Variants in ADGRL3 observed in about 807,000 individuals in gnomAD.
ADGRL3 encodes calcium-independent alpha-latrotoxin receptor 3.
A neutral mutation model predicts 153.5 loss-of-function variants in ADGRL3; 62 were observed. That is an observed-to-expected ratio of 0.40 (90% CI 0.33 to 0.50). The LOEUF (loss-of-function observed/expected upper bound fraction) is 0.50, where lower values mean the gene tolerates loss of function less well. Among genes scored for constraint, ADGRL3 ranks in the 20% least tolerant of loss-of-function variants. The pLI is 0.47. For synonymous variants in ADGRL3, 710 were observed against 672.5 expected, an observed-to-expected ratio of 1.06 and a Z score of -0.86; for missense variants, 1,641 against 1,859.4, an observed-to-expected ratio of 0.88 and a Z score of 2.16.
chr4:61,219,815 A>G lies in ADGRL3; in HGVS notation c.-240+18050A>G, dbSNP rs1357679553. 2.0e-5 allele frequency among the ~76,000 whole-genome samples: 3 copies of G among 152,168 alleles called. No homozygotes were observed. In the East Asian group the frequency reaches 5.8e-4, roughly 29 times the overall value. ...CTTCCTGTTTCAAACCTCTGAAAAT[A>G]TAAAGTCATCTGCCAGGTGCAGTGG... On this transcript the variant is annotated intron_variant, in intron 1 of 26. Transcript: ENST00000683033.
intron 2 of ADGRL3, among the ~76,000 whole-genome samples, chr4:61,393,441 G>T (rs1299648255): frequency 6.6e-6 from 1 of 151,930 alleles, no homozygotes; most frequent in Non-Finnish European, 1.5e-5. Context: ...ATGTAATTTA[G>T]ATTAAGCAAA....
chr4:61,552,285 G>A (rs1579485507), intron 4 of ADGRL3, among the ~76,000 whole-genome samples: 1 of 152,042 alleles, frequency 6.6e-6, no homozygotes, highest in African/African-American at 2.4e-5. Flanking sequence ...CTATAGTTCA[G>A]GTAACTGGTT....
intron 5 of ADGRL3, among the ~76,000 whole-genome samples, chr4:61,620,842 T>C (rs2092455782): frequency 6.6e-6 from 1 of 151,910 alleles, no homozygotes. Flanking sequence ...GCTTCCACCA[T>C]GTTGGCCAGG....
At chr4:61,580,446 T>C (rs1257951431) in intron 4 of ADGRL3, among the ~76,000 whole-genome samples, 1 of 152,112 alleles carries the variant, frequency 6.6e-6, no homozygotes, top group Non-Finnish European at 1.5e-5. Context: ...TTCATTTATT[T>C]GGTAATTTTT....
Position 61,473,595 on chromosome 4 carries a change from A to G in ADGRL3, c.-173-23526A>G, listed in dbSNP as rs111875929. ...AAGTGATATAATTTCAGTCTGTACA[A>G]GAAATAAATGAGGAGGAAAAAAACC... On this transcript the variant is annotated intron_variant, in intron 2 of 26. Transcript: ENST00000683033. Among the ~76,000 whole-genome samples, 387 of 152,250 alleles carry G rather than the reference A, an allele frequency of 2.5e-3. 3 individuals are homozygous for G. The highest frequency in any genetic ancestry group is 0.017 in the Middle Eastern group (5 of 294).
intron 1 of ADGRL3, among the ~76,000 whole-genome samples, chr4:61,280,309 A>G (rs2093670576): frequency 6.6e-6 from 1 of 151,496 alleles, no homozygotes; most frequent in Non-Finnish European, 1.5e-5. Flanking sequence ...GGGTTTCACC[A>G]TATTGGCCAG....
chr4:61,207,978 A>T (rs1031686184), intron 1 of ADGRL3, among the ~76,000 whole-genome samples: 1 of 152,182 alleles, frequency 6.6e-6, no homozygotes, highest in Non-Finnish European at 1.5e-5. Flanking sequence ...GGCAGGTTGG[A>T]TATAGTTATT....
chr4:61,976,075 T>G (rs2099046949), intron 17 of ADGRL3, among the ~76,000 whole-genome samples: 1 of 152,096 alleles, frequency 6.6e-6, no homozygotes, highest in African/African-American at 2.4e-5. Context: ...AACCAAATAT[T>G]TTTTATAGAT....
intron 4 of ADGRL3, among the ~76,000 whole-genome samples, chr4:61,549,535 C>G (rs1003644856): frequency 1.3e-5 from 2 of 152,032 alleles, no homozygotes; most frequent in African/African-American, 4.8e-5. Flanking sequence ...GAGACACGCT[C>G]TCTGACAAAC....
intron 9 of ADGRL3, among the ~76,000 whole-genome samples, chr4:61,857,261 A>G (rs1452177768): frequency 6.6e-6 from 1 of 151,894 alleles, no homozygotes. Context: ...TGCTGGGAGT[A>G]GAGTATCTAC....
intron 4 of ADGRL3, among the ~76,000 whole-genome samples, chr4:61,542,043 C>T (rs1005446472): frequency 1.3e-5 from 2 of 152,040 alleles, no homozygotes; most frequent in African/African-American, 4.8e-5. Flanking sequence ...AGATTTTTCT[C>T]TTTTTTCCTG....
intron 1 of ADGRL3, among the ~76,000 whole-genome samples, chr4:61,280,519 G>A (rs1196726216): frequency 6.6e-6 from 1 of 151,900 alleles, no homozygotes; most frequent in Non-Finnish European, 1.5e-5. Flanking sequence ...ACACCATGTT[G>A]TTTTTGGAGA....
At chr4:61,642,360 C>T (rs1253605619) in intron 5 of ADGRL3, among the ~76,000 whole-genome samples, 1 of 152,254 alleles carries the variant, frequency 6.6e-6, no homozygotes, top group South Asian at 2.1e-4. Flanking sequence ...GAAGTCCTTG[C>T]CCATGCCTAT....
chr4:61,311,179 G>A (rs1261611357), intron 1 of ADGRL3, among the ~76,000 whole-genome samples: 1 of 152,062 alleles, frequency 6.6e-6, no homozygotes, highest in Non-Finnish European at 1.5e-5. Context: ...TGACAAATAA[G>A]GTATTAACAC....
At chr4:61,624,435 T>C (rs1022470039) in intron 5 of ADGRL3, among the ~76,000 whole-genome samples, 2 of 152,090 alleles carry the variant, frequency 1.3e-5, no homozygotes. Context: ...TAGATCATAG[T>C]AAGAAAGAAA....
intron 1 of ADGRL3, among the ~76,000 whole-genome samples, chr4:61,348,656 T>G (rs930300513): frequency 6.6e-6 from 1 of 152,048 alleles, no homozygotes; most frequent in African/African-American, 2.4e-5. Flanking sequence ...AGCCTGAATG[T>G]GAGAAAAGGA....
intron 2 of ADGRL3, among the ~76,000 whole-genome samples, chr4:61,456,434 T>TATATAG (rs1234348804): frequency 8.1e-6 from 1 of 123,790 alleles, no homozygotes; most frequent in African/African-American, 3.2e-5. Flanking sequence ...TATATCTATA[T>TATATAG]ATATAGATAT....
intron 8 of ADGRL3, among the ~76,000 whole-genome samples, chr4:61,800,228 A>G (rs1580886346): frequency 6.6e-6 from 1 of 152,210 alleles, no homozygotes; most frequent in Non-Finnish European, 1.5e-5. Context: ...ATGTATGTAT[A>G]TATTGTATAT....
intron 2 of ADGRL3, chr4:61,420,460 G>A (rs1163557895): frequency 6.1e-5 from 8 of 130,762 alleles, no homozygotes; most frequent in Admixed American, 4.5e-4. Flanking sequence ...AGGCTGAAGT[G>A]CAGTGGCGCC....
Sources: allele counts gnomAD v4.1 joint callset (sites outside exome capture counted in the v4.1 genomes callset), GRCh38; gene constraint gnomAD v4.1.1; transcripts MANE v1.5; gene names NCBI Gene and HGNC (gene_info 2026-07-23, HGNC 2026-07-21).